LIPI: variants seen among roughly 807,000 people sequenced by gnomAD.
LIPI encodes lipase I, also known as lipase member I.
In LIPI, 59 loss-of-function variants were observed where a neutral mutation model predicts 50.6. The ratio of observed to expected loss-of-function variants is 1.16; its 90% CI spans 0.94 to 1.45. LIPI has a LOEUF of 1.45. Ranked by LOEUF, LIPI falls within the 40% of genes most tolerant of loss-of-function variation. LIPI has a pLI of 0.00. For synonymous variants in LIPI, 203 were observed against 178.2 expected, an observed-to-expected ratio of 1.14 and a Z score of -1.11; for missense variants, 586 against 536.3, an observed-to-expected ratio of 1.09 and a Z score of -0.92.
In LIPI at chr21:14,207,321, A is replaced by C. The variant is rs550369425; in HGVS notation, c.46+3479T>G. Among the ~76,000 whole-genome samples, 427 of 152,298 alleles carry C rather than the reference A, an allele frequency of 2.8e-3. 1 individual carries two copies. The highest frequency in any genetic ancestry group is 4.1e-3 in the Non-Finnish European group (282 of 68,024). On this transcript the variant is annotated intron_variant, in intron 1 of 9. Coordinates refer to ENST00000681601, the MANE Select transcript of LIPI (RefSeq NM_001302998.2). Reference sequence around the variant, plus strand: ...GAGGATATTGAGTGTTCCCAACATAAAGAAATGGTAACTGTTTGAGATATC... The same window carrying C: ...GAGGATATTGAGTGTTCCCAACATACAGAAATGGTAACTGTTTGAGATATC...
intron 1 of LIPI, among the ~76,000 whole-genome samples, chr21:14,202,653 C>A (rs1302946362): frequency 6.6e-6 from 1 of 152,096 alleles, no homozygotes; most frequent in Non-Finnish European, 1.5e-5. Context: ...AAACTGGATC[C>A]CTTCCTCACC....
chr21:14,128,649 A>T (rs1373625688), intron 9 of LIPI, among the ~76,000 whole-genome samples: 2 of 151,244 alleles, frequency 1.3e-5, no homozygotes, highest in African/African-American at 4.8e-5. Flanking sequence ...CAAAGAAATC[A>T]TCAATCTTAG....
At position 14,161,583 on chromosome 21, in the gene LIPI, T is replaced by G. The variant is rs544034367; in HGVS notation, c.1006+1836A>C. ...TATTATATCTATTATATATATAATA[T>G]ATATCTATATAATATATTAATATAT... On this transcript the variant is annotated intron_variant, in intron 7 of 9. Coordinates refer to ENST00000681601, the MANE Select transcript of LIPI (RefSeq NM_001302998.2). 9.2e-3 allele frequency among the ~76,000 whole-genome samples: 1,070 copies of G among 116,284 alleles called. 47 individuals are homozygous for G. Among genetic ancestry groups the G allele is most frequent in the African/African-American group, 0.029 (795 of 27,072 alleles). The allele number at this position is 116,284 out of a possible 152,430, so 76.3% of individuals were successfully genotyped here. A position where few individuals can be genotyped will look rare whatever the true frequency, so the allele number is the denominator to read the frequency against.
chr21:14,172,714 T>G (rs1600896430), intron 4 of LIPI, among the ~76,000 whole-genome samples: 3 of 146,794 alleles, frequency 2.0e-5, no homozygotes, highest in Admixed American at 6.9e-5. Flanking sequence ...TGGGGACTGT[T>G]GTGGGGTGGG....
intron 8 of LIPI, among the ~76,000 whole-genome samples, chr21:14,147,750 C>T (rs1490988302): frequency 6.6e-6 from 1 of 152,138 alleles, no homozygotes; most frequent in Non-Finnish European, 1.5e-5. Context: ...CTTGAAGTCA[C>T]TCTAGATTGG....
intron 1 of LIPI, among the ~76,000 whole-genome samples, chr21:14,196,155 T>G (rs1218935275): frequency 1.3e-5 from 1 of 74,740 alleles, no homozygotes; most frequent in Admixed American, 1.3e-4. Context: ...CACCAAATTG[T>G]AAAAAAAAAA....
intron 9 of LIPI, among the ~76,000 whole-genome samples, chr21:14,115,627 G>A: frequency 6.6e-6 from 1 of 152,126 alleles, no homozygotes; most frequent in Non-Finnish European, 1.5e-5. Context: ...GGGACTCTTG[G>A]CACCACTGAG....
At chr21:14,126,609 C>T (rs2017076360) in intron 9 of LIPI, among the ~76,000 whole-genome samples, 1 of 152,078 alleles carries the variant, frequency 6.6e-6, no homozygotes, top group African/African-American at 2.4e-5. Flanking sequence ...TTTAGTATAG[C>T]AACTATTTAT....
chr21:14,201,582 A>C (rs2020055793), intron 1 of LIPI, among the ~76,000 whole-genome samples: 1 of 152,150 alleles, frequency 6.6e-6, no homozygotes, highest in African/African-American at 2.4e-5. Flanking sequence ...CAACGACAAA[A>C]ACCATATGAT....
At chr21:14,117,790 A>ATTCCCCAGCT (rs1430730616) in intron 9 of LIPI, among the ~76,000 whole-genome samples, 3 of 152,156 alleles carry the variant, frequency 2.0e-5, no homozygotes, top group Admixed American at 2.0e-4. Flanking sequence ...AGGTATGAAC[A>ATTCCCCAGCT]TTCCCCAGCT....
chr21:14,165,547 T>C (rs896790570), intron 5 of LIPI, among the ~76,000 whole-genome samples, 157 bp from the exon 6 acceptor site: 1 of 152,312 alleles, frequency 6.6e-6, no homozygotes, highest in South Asian at 2.1e-4. Flanking sequence ...ACTAAACAAA[T>C]AGTACCAATG....
Position 14,186,016 on chromosome 21 carries a change from A to G in LIPI, c.486T>C (p.Ala162=), listed in dbSNP as rs1238729329. 1 of 1,607,502 alleles carries G rather than the reference A, an allele frequency of 6.2e-7. No individual in the cohort carries two copies. The change falls in exon 3 of 10, where the codon GCT becomes GCC. Residue 162 remains alanine, a synonymous_variant. Coordinates refer to ENST00000681601, the MANE Select transcript of LIPI (RefSeq NM_001302998.2). ...NFHFIGVSLG[A]HISGFVGKIF... is the part of the protein sequence containing the mutation. ...TCTTTCCAACAAATCCACTGATATGAGCCCCTAAGCTCACACCTATGAAAT... is the reference window on the plus strand; with the variant it reads ...TCTTTCCAACAAATCCACTGATATGGGCCCCTAAGCTCACACCTATGAAAT...
rs560963092 is a variant in LIPI, at chr21:14,204,482, T to G, written c.46+6318A>C. The stretch of plus-strand genomic sequence containing the variant: ...TGCTCAAATTAATTTATATGTGCAG[T>G]GCAATTCTAAAATAATCTCAATACA... On this transcript the variant is annotated intron_variant, in intron 1 of 9. Coordinates refer to ENST00000681601, the MANE Select transcript of LIPI (RefSeq NM_001302998.2). Among the ~76,000 whole-genome samples, 5 of 152,104 alleles carry G rather than the reference T, an allele frequency of 3.3e-5. No individual in the cohort carries two copies. In the East Asian group the frequency reaches 7.7e-4, roughly 24 times the overall value.
chr21:14,141,069 G>A (rs2017688957), intron 9 of LIPI, among the ~76,000 whole-genome samples: 1 of 152,062 alleles, frequency 6.6e-6, no homozygotes, highest in African/African-American at 2.4e-5. Flanking sequence ...TTATAAGAAT[G>A]GGTCTAAATG....
chr21:14,126,243 C>T (rs1350856319), intron 9 of LIPI, among the ~76,000 whole-genome samples: 1 of 152,206 alleles, frequency 6.6e-6, no homozygotes, highest in Non-Finnish European at 1.5e-5. Context: ...TAAACACCTA[C>T]ATGTCCAATA....
At chr21:14,110,851 CTCTA>C (rs75628106) in intron 9 of LIPI, among the ~76,000 whole-genome samples, 13,179 of 150,130 alleles carry the variant, frequency 0.088, 892 homozygotes, top group East Asian at 0.4. Context: ...ATTTATAGAT[CTCTA>C]TCTATCTATC....
chr21:14,162,602 A>G (rs1389288405), intron 7 of LIPI, among the ~76,000 whole-genome samples: 1 of 151,940 alleles, frequency 6.6e-6, no homozygotes, highest in Non-Finnish European at 1.5e-5. Flanking sequence ...TCTTACTTCT[A>G]CATGTAAATC....
At chr21:14,116,160 G>A (rs887562535) in intron 9 of LIPI, among the ~76,000 whole-genome samples, 11 of 152,044 alleles carry the variant, frequency 7.2e-5, no homozygotes, top group African/African-American at 1.7e-4. Flanking sequence ...AGAGAGGCTC[G>A]TTTCATCTGA....
At chr21:14,119,249 T>C (rs952464841) in intron 9 of LIPI, among the ~76,000 whole-genome samples, 16 of 152,154 alleles carry the variant, frequency 1.1e-4, no homozygotes, top group Non-Finnish European at 1.5e-5. Context: ...GACCCATGTA[T>C]CTTACTGCCA....
Sources: gnomAD v4.1 joint callset for allele counts (sites outside exome capture counted in the v4.1 genomes callset) on GRCh38, gnomAD v4.1.1 for gene constraint, MANE v1.5 for transcripts, NCBI Gene and HGNC (gene_info 2026-07-23, HGNC 2026-07-21) for gene names.